Variants in ADGRA2 observed in about 807,000 individuals in gnomAD.
ADGRA2 encodes the protein adhesion G protein-coupled receptor A2, also known as G-protein coupled receptor 124.
Under a neutral mutation model 98.7 loss-of-function variants are expected in ADGRA2, and 61 were observed. The ratio of observed to expected loss-of-function variants is 0.62; its 90% CI spans 0.50 to 0.76. The LOEUF (loss-of-function observed/expected upper bound fraction) is 0.76, where lower values mean the gene tolerates loss of function less well. Among genes scored for constraint, ADGRA2 ranks in the 30% least tolerant of loss-of-function variants. ADGRA2 has a pLI of 0.00. For synonymous variants in ADGRA2, 858 were observed against 831.5 expected (o/e 1.03, Z -0.55); for missense variants, 1,712 against 1,860.0 (o/e 0.92, Z 1.46).
Position 37,833,804 on chromosome 8 carries a change from G to C in ADGRA2, c.1413G>C (p.Gln471His). The C allele has an allele frequency of 6.2e-7, 1 of 1,614,222 alleles. No individual in the cohort carries two copies. The highest frequency in any genetic ancestry group is 8.5e-7 in the Non-Finnish European group (1 of 1,180,044). ...TAGTCTATGTGGCTCAGATGATCCA[G>C]AAATTTTTGGGTTATGTCGACCAGA... ...MDVVYVAQMIQKFLGYVDQIK... is the reference protein window; with the variant it reads ...MDVVYVAQMIHKFLGYVDQIK... Residue 471 changes from glutamine to histidine, a missense_variant, in exon 10 of 19, where the codon CAG becomes CAC. Physicochemically the swap from Gln to His is conservative, Grantham distance 24. Transcript: ENST00000412232.
rs903885233 is a variant in ADGRA2, at chr8:37,837,964, TC to T, written c.2259+26del. On this transcript the variant is annotated intron_variant, in intron 14 of 18. Transcript: ENST00000412232. ...GGTGGGTGTGAGGAGGGGTGACAAG[TC>T]GGGGGGGCAGGGACACGGGCTGGGT... The T allele has an allele frequency of 9.1e-6, 13 of 1,432,000 alleles. No individual in the cohort carries two copies. The East Asian group carries it at 1.0e-4, about 11-fold the overall frequency. The allele number at this position is 1,432,000 out of a possible 1,614,324, so 88.7% of individuals were successfully genotyped here.
At chr8:37,839,947 C>A (rs1002065108) in intron 16 of ADGRA2, among the ~76,000 whole-genome samples, 174 bp from the exon 17 acceptor site, 4 of 152,146 alleles carry the variant, frequency 2.6e-5, no homozygotes, top group African/African-American at 9.6e-5. Flanking sequence ...GGGGTGAAGG[C>A]AGAGGGTGGC....
chr8:37,835,141 CA>C, intron 11 of ADGRA2, 32 bp from the exon 12 acceptor site: 1 of 1,521,136 alleles, frequency 6.6e-7, no homozygotes, highest in Non-Finnish European at 9.1e-7. Context: ...GCCACCATCT[CA>C]AATGGTGGGA....
chr8:37,806,486 T>G (rs1804662719), intron 1 of ADGRA2, among the ~76,000 whole-genome samples: 1 of 151,500 alleles, frequency 6.6e-6, no homozygotes, highest in Non-Finnish European at 1.5e-5. Context: ...CCTATGGGTG[T>G]GGCATTTTCT....
rs574932446 is a variant in ADGRA2 at position 37,802,411 on chromosome 8, T to C, written c.266+4877T>C. ...AGACAGCAGCCAGAGGAAGTGGCTG[T>C]GTACAGAGAGCTTTTGTGAGAGAAG... is the stretch of plus-strand genomic sequence containing the variant. On this transcript the variant is annotated intron_variant, in intron 1 of 18. Coordinates refer to ENST00000412232, the MANE Select transcript of ADGRA2 (RefSeq NM_032777.10). The surrounding 1 kb of genome is among the most constrained non-coding windows in gnomAD (Gnocchi z 4.7). Among the ~76,000 whole-genome samples the C allele has an allele frequency of 3.3e-5, 5 of 151,818 alleles. No homozygotes were observed. Among genetic ancestry groups the C allele is most frequent in the Admixed American group, 1.3e-4 (2 of 15,250 alleles).
At chr8:37,807,815 A>T (rs546330901) in intron 1 of ADGRA2, among the ~76,000 whole-genome samples, 18 of 152,302 alleles carry the variant, frequency 1.2e-4, no homozygotes, top group Non-Finnish European at 2.6e-4. Context: ...CCTAGGGAGT[A>T]TGGATATCCC....
rs367806002 is a variant in ADGRA2 at position 37,829,847 on chromosome 8, G to A, written c.555-4G>A. 1 of 1,608,738 alleles carries A rather than the reference G, an allele frequency of 6.2e-7. No homozygotes were observed. Among genetic ancestry groups the A allele is most frequent in the Non-Finnish European group, 8.5e-7 (1 of 1,177,782 alleles). On this transcript the variant is annotated splice_region_variant and splice_polypyrimidine_tract_variant and intron_variant, in intron 5 of 18. Coordinates refer to ENST00000412232, the MANE Select transcript of ADGRA2 (RefSeq NM_032777.10). ...GCTCCGTGACCCCTCTGCCCACCCT[G>A]CAGGGACTTGGGCACCGAGTTCCTG...
chr8:37,816,682 C>G (rs1307721926), intron 2 of ADGRA2, among the ~76,000 whole-genome samples: 1 of 141,914 alleles, frequency 7.0e-6, no homozygotes, highest in East Asian at 2.3e-4. Context: ...CTTTGGGAGG[C>G]CAAAGTGGGT....
rs1470950423 is a variant in ADGRA2 at position 37,829,890 on chromosome 8, G to T, written c.594G>T (p.Leu198=). The change falls in exon 6 of 19, where the codon CTG becomes CTT. Residue 198 remains leucine (L), a synonymous_variant. Coordinates refer to ENST00000412232, the MANE Select transcript of ADGRA2 (RefSeq NM_032777.10). ...AGTTCCTGACCTGTGACTGCCACCT[G>T]CGCTGGCTGCTGCCCTGGGCCCAGA... ...GTEFLTCDCH[L]RWLLPWAQNR... 6.2e-7 allele frequency: 1 copy of T among 1,613,054 alleles called. No homozygotes were observed. Among genetic ancestry groups the T allele is most frequent in the Non-Finnish European group, 8.5e-7 (1 of 1,179,960 alleles).
chr8:37,809,682 T>C (rs1804770780), intron 1 of ADGRA2, among the ~76,000 whole-genome samples: 1 of 152,142 alleles, frequency 6.6e-6, no homozygotes, highest in African/African-American at 2.4e-5. Context: ...CAAGAAAATA[T>C]CTCATTTCAA....
Position 37,829,188 on chromosome 8 carries a change from C to T in ADGRA2, c.411-73C>T, listed in dbSNP as rs1051207631. Reference sequence around the variant, plus strand: ...CCCCCAACACAAGCCCTGGCCCCACCCATGTGTTCCTCACAAGTGGACCCA... The same window carrying T: ...CCCCCAACACAAGCCCTGGCCCCACTCATGTGTTCCTCACAAGTGGACCCA... On this transcript the variant is annotated intron_variant, in intron 3 of 18. Coordinates refer to ENST00000412232, the MANE Select transcript of ADGRA2 (RefSeq NM_032777.10). 26 of 1,129,762 alleles carry T rather than the reference C, an allele frequency of 2.3e-5. No individual in the cohort carries two copies. The African/African-American group carries it at 3.5e-4, about 15-fold the overall frequency. 70.0% of individuals were successfully genotyped at this position (1,129,762 alleles called of 1,614,324 possible).
intron 1 of ADGRA2, among the ~76,000 whole-genome samples, chr8:37,799,645 A>G (rs1383860743): frequency 6.6e-6 from 1 of 152,058 alleles, no homozygotes; most frequent in Non-Finnish European, 1.5e-5. Context: ...GTAAGAATAC[A>G]TTAGAACCGG....
rs1563355964 is a variant in ADGRA2, at chr8:37,842,110, A to C, written c.3772A>C (p.Thr1258Pro). The C allele has an allele frequency of 6.7e-7, 1 of 1,503,494 alleles. No homozygotes were observed. The highest frequency in any genetic ancestry group is 8.8e-7 in the Non-Finnish European group (1 of 1,134,128). The allele number at this position is 1,503,494 out of a possible 1,614,324, so 93.1% of individuals were successfully genotyped here. Residue 1258 changes from threonine to proline, a missense_variant, in exon 19 of 19, where the codon ACC becomes CCC. Physicochemically the swap from Thr to Pro is conservative, Grantham distance 38. Transcript: ENST00000412232. The stretch of plus-strand genomic sequence containing the variant: ...GCTCACGCCGTCCGAGGGCAGCGAC[A>C]CCAGCGCCGCGCCGCTTTCTGAGGC... ...PMLTPSEGSD[T>P]SAAPLSEAGR...
Position 37,819,433 on chromosome 8 carries a change from A to G in ADGRA2, c.338+4466A>G, listed in dbSNP as rs575507577. Among the ~76,000 whole-genome samples the G allele has an allele frequency of 4.6e-5, 7 of 152,334 alleles. No homozygotes were observed. The Middle Eastern group carries it at 0.01, about 222-fold the overall frequency. On this transcript the variant is annotated intron_variant, in intron 2 of 18. Coordinates refer to ENST00000412232, the MANE Select transcript of ADGRA2 (RefSeq NM_032777.10). The stretch of plus-strand genomic sequence containing the variant: ...TGTCACCAGGCTAAAGTGCAGTGGC[A>G]CGATCTCCAGTGCAACCTCTGCCTC...
rs933257006 is a variant in ADGRA2, at chr8:37,814,444, G to A, written c.267-452G>A. 6.6e-6 allele frequency among the ~76,000 whole-genome samples: 1 copy of A among 152,196 alleles called. No homozygotes were observed. The highest frequency in any genetic ancestry group is 1.5e-5 in the Non-Finnish European group (1 of 68,044). On this transcript the variant is annotated intron_variant, in intron 1 of 18. Coordinates refer to ENST00000412232, the MANE Select transcript of ADGRA2 (RefSeq NM_032777.10). The surrounding 1 kb of genome is among the most constrained non-coding windows in gnomAD (Gnocchi z 4.3). ...GAGCCTCCGAGGAAGGGCAGCTCCC[G>A]CCTGCCTCCAGACCTTCTGGGCATC...
In ADGRA2 at chr8:37,834,427, G is replaced by GTCTGC. The variant is rs1805549806; in HGVS notation, c.1608+299_1608+300insTCTGC. On this transcript the variant is annotated intron_variant, in intron 11 of 18. Coordinates refer to ENST00000412232, the MANE Select transcript of ADGRA2 (RefSeq NM_032777.10). This position sits in a 1 kb window ranked among gnomAD's most constrained non-coding sequence, Gnocchi z 4.2. ...GGGAGGAAGGCTTGGTGGCAGGGCA[G>GTCTGC]ACAGCACTCGGGATTGAGTGAAGAG... 6.6e-6 allele frequency among the ~76,000 whole-genome samples: 1 copy of GTCTGC among 152,230 alleles called. No homozygotes were observed. Among genetic ancestry groups the GTCTGC allele is most frequent in the African/African-American group, 2.4e-5 (1 of 41,462 alleles).
In ADGRA2 at chr8:37,797,516, C is replaced by T; in HGVS notation, c.248C>T (p.Pro83Leu). The T allele has an allele frequency of 7.1e-7, 1 of 1,403,992 alleles. No individual in the cohort carries two copies. The highest frequency in any genetic ancestry group is 9.3e-7 in the Non-Finnish European group (1 of 1,075,312). The allele number at this position is 1,403,992 out of a possible 1,614,324, so 87.0% of individuals were successfully genotyped here. ...LPEPPEPGLL[P>L]NGTVTLLLSN... The stretch of plus-strand genomic sequence containing the variant: ...GAGCCTCCCGAGCCCGGCCTTCTGC[C>T]TAACGGCACCGTTACCCTGTGAGTA... The change falls in exon 1 of 19, where the codon CCT becomes CTT. Residue 83 changes from proline to leucine, a missense_variant. Physicochemically the swap from Pro to Leu is moderately conservative, Grantham distance 98 (BLOSUM62 -3). Coordinates refer to ENST00000412232, the MANE Select transcript of ADGRA2 (RefSeq NM_032777.10). This position sits in a 1 kb window ranked among gnomAD's most constrained non-coding sequence, Gnocchi z 5.3.
At chr8:37,817,346 C>T (rs750478046) in intron 2 of ADGRA2, among the ~76,000 whole-genome samples, 61 of 152,180 alleles carry the variant, frequency 4.0e-4, no homozygotes, top group East Asian at 1.9e-4. Context: ...TCCCTCTAAC[C>T]GTCTGCTCTG....
intron 2 of ADGRA2, among the ~76,000 whole-genome samples, chr8:37,819,027 G>A (rs1483224835): frequency 6.6e-6 from 1 of 152,206 alleles, no homozygotes; most frequent in Non-Finnish European, 1.5e-5. Flanking sequence ...GCGAGCCAGG[G>A]GGAGGTGGCA....
Sources: allele counts gnomAD v4.1 joint callset (sites outside exome capture counted in the v4.1 genomes callset), GRCh38; gene constraint gnomAD v4.1.1; non-coding constraint Gnocchi (gnomAD v3.1); transcripts MANE v1.5; gene names NCBI Gene and HGNC (gene_info 2026-07-23, HGNC 2026-07-21).